The following PAGE2B variants were observed in gnomAD, a reference collection of about 807,000 sequenced individuals.
PAGE2B encodes the protein PAGE family member 2B.
In PAGE2B, 5 loss-of-function variants were observed where a neutral mutation model predicts 7.6. That is an observed-to-expected ratio of 0.66 (90% CI 0.34 to 1.38). The LOEUF is 1.38. Ranked by LOEUF, PAGE2B falls within the 40% of genes most tolerant of loss-of-function variation. The probability of loss-of-function intolerance (pLI) is 0.04; values close to 1 mark genes in which losing one functional copy is unlikely to be tolerated. For missense variants in PAGE2B, 70 were observed against 78.4 expected (o/e 0.89, Z 0.41); for synonymous variants, 29 against 26.7 (o/e 1.09, Z -0.27).
At chrX:55,047,383 T>G in the PAGE2B span, among the ~76,000 whole-genome samples, 20 of 111,570 alleles carry the variant, frequency 1.8e-4, no homozygotes, top group African/African-American at 6.2e-4. Context: ...AACATACGTG[T>G]GCATGTGTCT....
the PAGE2B span, among the ~76,000 whole-genome samples, chrX:55,056,001 G>T: frequency 2.7e-5 from 3 of 111,311 alleles, no homozygotes; most frequent in Non-Finnish European, 3.8e-5. Flanking sequence ...CTGATGTGGA[G>T]TGCACTGCAG....
the PAGE2B span, among the ~76,000 whole-genome samples, chrX:55,039,422 T>C: frequency 9.2e-6 from 1 of 108,578 alleles, no homozygotes; most frequent in Admixed American, 9.9e-5. Context: ...GATAAATGGA[T>C]AAACAAAATG....
At chrX:55,056,777 G>A in the PAGE2B span, among the ~76,000 whole-genome samples, 3 of 111,314 alleles carry the variant, frequency 2.7e-5, no homozygotes, top group East Asian at 8.5e-4. Context: ...CTTCCTTGTA[G>A]TAGTGAATTT....
the PAGE2B span, among the ~76,000 whole-genome samples, chrX:55,034,383 C>T: frequency 9.0e-6 from 1 of 111,589 alleles, no homozygotes; most frequent in Non-Finnish European, 1.9e-5. Context: ...GACAGCTTTT[C>T]CAATGGTTTC....
At chrX:55,029,592 T>C in the PAGE2B span, among the ~76,000 whole-genome samples, 1 of 111,524 alleles carries the variant, frequency 9.0e-6, no homozygotes, top group African/African-American at 3.3e-5. Context: ...TGCACTAACA[T>C]AGGCCTCTTT....
At chrX:55,052,812 T>A in the PAGE2B span, among the ~76,000 whole-genome samples, 1 of 112,751 alleles carries the variant, frequency 8.9e-6, no homozygotes, top group Middle Eastern at 4.6e-3. Context: ...CTGCACCCAC[T>A]GTCCGACACT....
chrX:55,046,716 C>G, the PAGE2B span, among the ~76,000 whole-genome samples: 1 of 111,475 alleles, frequency 9.0e-6, no homozygotes, highest in African/African-American at 3.3e-5. Context: ...TGAGGAGCCA[C>G]TGAAGGAGTC....
At chrX:55,052,795 C>T in the PAGE2B span, among the ~76,000 whole-genome samples, 15 of 112,789 alleles carry the variant, frequency 1.3e-4, no homozygotes, top group East Asian at 2.3e-3. Context: ...GGCTCACACA[C>T]GGTGCACTGC....
upstream of PAGE2B, among the ~76,000 whole-genome samples, chrX:55,071,203 T>C (rs1424422191): frequency 9.0e-6 from 1 of 111,526 alleles, no homozygotes; most frequent in Admixed American, 9.5e-5. Flanking sequence ...TTCCTTTCCA[T>C]GTTTAGTGCT....
chrX:55,074,408 G>A (rs967787056), upstream of PAGE2B, among the ~76,000 whole-genome samples: 12 of 111,721 alleles, frequency 1.1e-4, no homozygotes, highest in African/African-American at 3.9e-4. Flanking sequence ...TAGTGGTACA[G>A]GTATAAACAA....
the PAGE2B span, among the ~76,000 whole-genome samples, chrX:55,053,188 C>A: frequency 2.7e-5 from 3 of 111,579 alleles, no homozygotes; most frequent in East Asian, 8.4e-4. Context: ...TTCTATGCAG[C>A]CATAAAAAGG....
chrX:55,036,644 C>T, the PAGE2B span, among the ~76,000 whole-genome samples: 55 of 111,015 alleles, frequency 5.0e-4, no homozygotes, highest in East Asian at 0.012. Flanking sequence ...TACCTGACTT[C>T]AAACTATACT....
chrX:55,044,419 G>A, the PAGE2B span, among the ~76,000 whole-genome samples: 1 of 111,366 alleles, frequency 9.0e-6, no homozygotes, highest in African/African-American at 3.3e-5. Context: ...GGATGCAAAG[G>A]CATAAGAATG....
At chrX:55,071,931 G>A (rs200151919), upstream of PAGE2B, among the ~76,000 whole-genome samples, 15 of 111,769 alleles carry the variant, frequency 1.3e-4, no homozygotes, top group East Asian at 4.2e-3. Flanking sequence ...CCCTAAAATG[G>A]GTTCTTCTAG....
the PAGE2B span, among the ~76,000 whole-genome samples, chrX:55,037,864 A>G: frequency 4.5e-5 from 4 of 89,260 alleles, no homozygotes; most frequent in Non-Finnish European, 8.5e-5. Flanking sequence ...GAACACATGG[A>G]CACAGGAAGG....
chrX:55,048,647 A>G, the PAGE2B span, among the ~76,000 whole-genome samples: 1 of 111,801 alleles, frequency 8.9e-6, no homozygotes, highest in Non-Finnish European at 1.9e-5. Context: ...ATTTTTGCAC[A>G]TTGATTGTGT....
At chrX:55,070,281 A>C (rs1420099836), upstream of PAGE2B, among the ~76,000 whole-genome samples, 1 of 111,341 alleles carries the variant, frequency 9.0e-6, no homozygotes, top group African/African-American at 3.3e-5. Context: ...TTCTGCCTTC[A>C]TTTCGTTATG....
At chrX:55,036,665 A>G in the PAGE2B span, among the ~76,000 whole-genome samples, 1 of 110,825 alleles carries the variant, frequency 9.0e-6, no homozygotes, top group Non-Finnish European at 1.9e-5. Context: ...ACAAGGCTAC[A>G]GTAACCAAAA....
At chrX:55,062,926 T>C in the PAGE2B span, among the ~76,000 whole-genome samples, 1 of 111,541 alleles carries the variant, frequency 9.0e-6, no homozygotes, top group African/African-American at 3.3e-5. Context: ...TGTGAATTTA[T>C]CTCTGGGTTT....
Sources: gnomAD v4.1 joint callset for allele counts (sites outside exome capture counted in the v4.1 genomes callset) on GRCh38, gnomAD v4.1.1 for gene constraint, MANE v1.5 for transcripts, NCBI Gene and HGNC (gene_info 2026-07-23, HGNC 2026-07-21) for gene names.